The following ITGAX variants were observed in gnomAD, a reference collection of about 807,000 sequenced individuals.
The protein encoded by ITGAX is integrin subunit alpha X.
A neutral mutation model predicts 140.2 loss-of-function variants in ITGAX; 99 were observed. The observed-to-expected ratio is 0.71, with a 90% CI of 0.60 to 0.83. ITGAX has a LOEUF of 0.83. Among genes scored for constraint, ITGAX ranks in the 40% least tolerant of loss-of-function variants. The pLI is 0.00. For missense variants in ITGAX, 1,444 were observed against 1,482.0 expected (o/e 0.97, Z 0.42); for synonymous variants, 631 against 600.4 (o/e 1.05, Z -0.75).
At chr16:31,380,479 T>G in intron 27 of ITGAX, 44 bp from the exon 28 acceptor site, 1 of 1,611,812 alleles carries the variant, frequency 6.2e-7, no homozygotes, top group Non-Finnish European at 8.5e-7. Context: ...GCTCTGAGCC[T>G]CCCCCAGAGC....
Position 31,357,331 on chromosome 16 carries a change from C to T in ITGAX, c.397C>T (p.Gln133Ter). 1 of 1,606,674 alleles carries T rather than the reference C, an allele frequency of 6.2e-7. No homozygotes were observed. Among genetic ancestry groups the T allele is most frequent in the Non-Finnish European group, 8.5e-7 (1 of 1,177,252 alleles). ...TGLCFLLGPT[Q>*]LTQRLPVSRQ... ...ACTCTGCTTCCTCCTGGGCCCCACC[C>T]AGCTCACCCAGAGGCTCCCGGTGTC... Residue 133 changes from glutamine to a stop codon, truncating the protein, a stop_gained, in exon 5 of 30, where the codon CAG becomes TAG. Transcript: ENST00000268296. LOFTEE classifies it high-confidence loss of function.
chr16:31,368,422 C>T (rs1160337077), intron 14 of ITGAX, among the ~76,000 whole-genome samples: 2 of 148,634 alleles, frequency 1.3e-5, no homozygotes, highest in Non-Finnish European at 3.0e-5. Context: ...CGCTTGAACC[C>T]CTCAGGCAAA....
intron 9 of ITGAX, chr16:31,361,427 CAG>C (rs1416341711): frequency 1.2e-5 from 8 of 690,586 alleles, no homozygotes; most frequent in Non-Finnish European, 2.1e-5. Context: ...CTGCTCCCCA[CAG>C]AGAGTGATCT....
At chr16:31,375,280 T>C (rs955286785) in intron 20 of ITGAX, among the ~76,000 whole-genome samples, 1 of 152,208 alleles carries the variant, frequency 6.6e-6, no homozygotes, top group African/African-American at 2.4e-5. Flanking sequence ...CCTCCCAAAG[T>C]ACTAGGATTA....
At chr16:31,366,498 A>G (rs539692496) in intron 14 of ITGAX, among the ~76,000 whole-genome samples, 4 of 152,192 alleles carry the variant, frequency 2.6e-5, no homozygotes, top group African/African-American at 4.8e-5. Flanking sequence ...AACTGAAAGG[A>G]AGAGTCACAT....
chr16:31,362,489 A>T, intron 11 of ITGAX, 122 bp from the exon 12 acceptor site: 1 of 1,130,224 alleles, frequency 8.8e-7, no homozygotes, highest in Non-Finnish European at 1.2e-6. Flanking sequence ...TGGGGGCTGC[A>T]TTGCCCAGGG....
rs777661708 is a variant in ITGAX at position 31,359,737 on chromosome 16, C to T, written c.468C>T (p.Ile156=). The T allele has an allele frequency of 1.3e-5, 21 of 1,614,024 alleles. No homozygotes were observed. In the East Asian group the frequency reaches 2.2e-4, roughly 17 times the overall value. ...AGGAGCAGGACATTGTGTTCCTGAT[C>T]GATGGCTCAGGCAGCATCTCCTCCC... ...PRQEQDIVFL[I]DGSGSISSRN... is the part of the protein sequence containing the mutation. Residue 156 remains isoleucine, a synonymous_variant, in exon 6 of 30, where the codon ATC becomes ATT. Transcript: ENST00000268296.
At position 31,369,292 on chromosome 16, in the gene ITGAX, C is replaced by A. The variant is rs541926572; in HGVS notation, c.1711-1792C>A. Reference sequence around the variant, plus strand: ...CAGCTGGCCGGGCGGGGGGCTGACCCCCCCCCCCACCTCCCTCCCGGACGG... The same window carrying A: ...CAGCTGGCCGGGCGGGGGGCTGACCACCCCCCCCACCTCCCTCCCGGACGG... On this transcript the variant is annotated intron_variant, in intron 14 of 29. Transcript: ENST00000268296. Among the ~76,000 whole-genome samples the A allele has an allele frequency of 3.4e-4, 45 of 131,304 alleles. 1 individual carries two copies. In the South Asian group the frequency reaches 8.7e-3, roughly 25 times the overall value. 86.1% of individuals were successfully genotyped at this position (131,304 alleles called of 152,430 possible). A position where few individuals can be genotyped will look rare whatever the true frequency, so the allele number is the denominator to read the frequency against.
Position 31,362,843 on chromosome 16 carries a change from G to A in ITGAX, c.1359+90G>A, listed in dbSNP as rs2080847669. 12 of 1,606,082 alleles carry A rather than the reference G, an allele frequency of 7.5e-6. No individual in the cohort carries two copies. The South Asian group carries it at 8.9e-5, about 12-fold the overall frequency. The stretch of plus-strand genomic sequence containing the variant: ...GATGGAGGGGCTTTGAGGGCCTTGG[G>A]GGAGGTCCTGGTACCTGGGGAGAGG... On this transcript the variant is annotated intron_variant, in intron 12 of 29. Transcript: ENST00000268296.
chr16:31,361,870 G>A lies in ITGAX; in HGVS notation c.1047G>A (p.Leu349=). ...CCACAAGCAGTAGCTCCTTCGAATT[G>A]GAGATGGCACAGGAGGGCTTCAGCG... ...TETTSSSSFE[L]EMAQEGFSAV... The change falls in exon 10 of 30, where the codon TTG becomes TTA. Residue 349 remains leucine, a synonymous_variant. Transcript: ENST00000268296. 6.2e-7 allele frequency: 1 copy of A among 1,614,050 alleles called. No homozygotes were observed. The highest frequency in any genetic ancestry group is 8.5e-7 in the Non-Finnish European group (1 of 1,179,992).
rs564201213 is a variant in ITGAX, at chr16:31,371,651, C to A, written c.2027C>A (p.Thr676Asn). ...LGSRDLQSSV[T>N]LDLALDPGRL... ...ACAGGTGACCTCCAAAGCTCTGTGA[C>A]CTTGGACCTGGCCCTCGACCCTGGC... The change falls in exon 17 of 30, where the codon ACC becomes AAC. Residue 676 changes from threonine (T) to asparagine (N), a missense_variant. Thr to Asn is a moderately conservative substitution (Grantham distance 65). Transcript: ENST00000268296. 6.2e-7 allele frequency: 1 copy of A among 1,614,144 alleles called. No homozygotes were observed. Among genetic ancestry groups the A allele is most frequent in the East Asian group, 2.2e-5 (1 of 44,868 alleles).
In ITGAX at chr16:31,371,548, A is replaced by C. The variant is rs772369069; in HGVS notation, c.2005+51A>C. ...GACACCCTGACCTCTGGAGTCCCCC[A>C]TCCCAGGCCCCTGTCTCCCACCCTG... On this transcript the variant is annotated intron_variant, in intron 16 of 29. Coordinates refer to ENST00000268296, the MANE Select transcript of ITGAX (RefSeq NM_000887.5). The C allele has an allele frequency of 1.9e-6, 3 of 1,609,102 alleles. No homozygotes were observed. The Admixed American group carries it at 5.0e-5, about 27-fold the overall frequency.
At chr16:31,361,681 G>A (rs1360793879) in intron 9 of ITGAX, 155 bp from the exon 10 acceptor site, 4 of 876,536 alleles carry the variant, frequency 4.6e-6, no homozygotes, top group Non-Finnish European at 7.5e-6. Flanking sequence ...GGGCCCCGAA[G>A]TCGGAGCTGA....
intron 8 of ITGAX, 63 bp downstream of exon 8, chr16:31,360,526 G>T: frequency 6.9e-7 from 1 of 1,439,820 alleles, no homozygotes; most frequent in East Asian, 2.3e-5. Context: ...TCCCCTTTCT[G>T]TGTATGTTCT....
Position 31,357,283 on chromosome 16 carries a change from G to A in ITGAX, c.349G>A (p.Gly117Arg), listed in dbSNP as rs1490191771. 3 of 1,607,902 alleles carry A rather than the reference G, an allele frequency of 1.9e-6. No homozygotes were observed. The highest frequency in any genetic ancestry group is 2.5e-6 in the Non-Finnish European group (3 of 1,177,826). Residue 117 changes from glycine to arginine, a missense_variant, in exon 5 of 30, where the codon GGG becomes AGG. Coordinates refer to ENST00000268296, the MANE Select transcript of ITGAX (RefSeq NM_000887.5). ...CGGCCCCACCGTGCACCACGAGTGCGGGAGGAACATGTACCTCACCGGACT... is the reference window on the plus strand; with the variant it reads ...CGGCCCCACCGTGCACCACGAGTGCAGGAGGAACATGTACCTCACCGGACT... ...ACGPTVHHEC[G>R]RNMYLTGLCF...
rs762872816 is a variant in ITGAX, at chr16:31,371,603, C to T, written c.2006-27C>T. 6 of 1,613,328 alleles carry T rather than the reference C, an allele frequency of 3.7e-6. No individual in the cohort carries two copies. The South Asian group carries it at 6.6e-5, about 18-fold the overall frequency. On this transcript the variant is annotated intron_variant, in intron 16 of 29. Coordinates refer to ENST00000268296, the MANE Select transcript of ITGAX (RefSeq NM_000887.5). ...TTGTCCACCCAAGGAGTTCCTGTCT[C>T]AACGCCGTCCCTGCGACCGCCTACA...
At chr16:31,374,629 T>C (rs957441706) in intron 20 of ITGAX, among the ~76,000 whole-genome samples, 7 of 152,008 alleles carry the variant, frequency 4.6e-5, no homozygotes, top group Non-Finnish European at 7.4e-5. Flanking sequence ...TTTTGTAGAG[T>C]TGGGGTCTTA....
rs1003388327 is a variant in ITGAX at position 31,381,703 on chromosome 16, G to A, written c.3388-100G>A. 6.5e-6 allele frequency: 5 copies of A among 772,956 alleles called. No homozygotes were observed. The African/African-American group carries it at 8.6e-5, about 13-fold the overall frequency. 47.9% of individuals were successfully genotyped at this position (772,956 alleles called of 1,614,324 possible). A position where few individuals can be genotyped will look rare whatever the true frequency, so the allele number is the denominator to read the frequency against. ...TTCCTAGTGCAGTGCTTTGAACCTA[G>A]CAAGGATTTCAGAAATAGTGACCCC... is the stretch of plus-strand genomic sequence containing the variant. On this transcript the variant is annotated intron_variant, in intron 29 of 29. Coordinates refer to ENST00000268296, the MANE Select transcript of ITGAX (RefSeq NM_000887.5).
intron 14 of ITGAX, among the ~76,000 whole-genome samples, chr16:31,370,878 C>T (rs2080948903): frequency 6.6e-6 from 1 of 152,128 alleles, no homozygotes; most frequent in Admixed American, 6.5e-5. Context: ...CCAGGACACC[C>T]TTCCTATCTC....
Sources: gnomAD v4.1 joint callset for allele counts (sites outside exome capture counted in the v4.1 genomes callset) on GRCh38, gnomAD v4.1.1 for gene constraint, MANE v1.5 for transcripts, NCBI Gene and HGNC (gene_info 2026-07-23, HGNC 2026-07-21) for gene names.